LRRC43: variants seen among roughly 807,000 people sequenced by gnomAD.
LRRC43 encodes leucine rich repeat containing 43.
Under a neutral mutation model 64.3 loss-of-function variants are expected in LRRC43, and 62 were observed. The observed-to-expected ratio is 0.96, with a 90% confidence interval of 0.79 to 1.19. LRRC43 has a LOEUF of 1.19. Ranked by LOEUF, LRRC43 falls within the 50% of genes most tolerant of loss-of-function variation. The probability of loss-of-function intolerance (pLI) is 0.00; values close to 1 mark genes in which losing one functional copy is unlikely to be tolerated. For synonymous variants in LRRC43, 422 were observed against 382.3 expected (o/e 1.10, Z -1.21); for missense variants, 868 against 845.0 (o/e 1.03, Z -0.34).
chr12:122,174,287 C>T, intron 1 of LRRC43: 4 of 1,219,304 alleles, frequency 3.3e-6, no homozygotes, highest in East Asian at 2.4e-5. Flanking sequence ...GTCAGCGTCC[C>T]GCCCATGGCA....
chr12:122,181,217 C>CA (rs201007052), upstream of LRRC43, among the ~76,000 whole-genome samples: 586 of 132,408 alleles, frequency 4.4e-3, 1 homozygote, highest in East Asian at 0.019. Flanking sequence ...GACCCTGCCT[C>CA]AAAAAAAAAA....
In LRRC43 at chr12:122,184,262, T is replaced by G. The variant is rs553935895; in HGVS notation, c.151-257T>G. The stretch of plus-strand genomic sequence containing the variant: ...GTTGCGTGCCACCACGCCCGGCTAA[T>G]TTTTTGTATTTTTAGTCGAGACGGG... On this transcript the variant is annotated intron_variant, in intron 1 of 11. Coordinates refer to ENST00000339777, the MANE Select transcript of LRRC43 (RefSeq NM_001098519.2). The surrounding 1 kb of genome is among the most constrained non-coding windows in gnomAD (Gnocchi z 4.0). Among the ~76,000 whole-genome samples, 282 of 152,118 alleles carry G rather than the reference T, an allele frequency of 1.9e-3. 1 individual carries two copies. The highest frequency in any genetic ancestry group is 6.3e-3 in the African/African-American group (263 of 41,486).
chr12:122,170,459 G>A (rs993442267), intron 1 of LRRC43, among the ~76,000 whole-genome samples: 17 of 151,866 alleles, frequency 1.1e-4, no homozygotes, highest in Admixed American at 2.6e-4. Flanking sequence ...GTGAAACCCC[G>A]TCTCTACTAA....
intron 7 of LRRC43, among the ~76,000 whole-genome samples, chr12:122,198,177 C>G: frequency 6.6e-6 from 1 of 152,090 alleles, no homozygotes; most frequent in East Asian, 1.9e-4. Flanking sequence ...GACAGGGTTT[C>G]ACCGTGTTGG....
chr12:122,200,862 G>T lies in LRRC43; in HGVS notation c.1737G>T (p.Glu579Asp), dbSNP rs1198311360. 6.2e-7 allele frequency: 1 copy of T among 1,613,082 alleles called. No individual in the cohort carries two copies. The highest frequency in any genetic ancestry group is 1.7e-5 in the Admixed American group (1 of 59,970). Residue 579 changes from glutamate (E) to aspartate (D), a missense_variant, in exon 10 of 12, where the codon GAG (glutamate) becomes GAT (aspartate). Transcript: ENST00000339777. The surrounding 1 kb of genome is among the most constrained non-coding windows in gnomAD (Gnocchi z 4.6). ...TCCTGGAGCCCCTGCTCGCCGGGGAGCCCCTGGTGTCCACCGTGTGCAACT... is the reference window on the plus strand; with the variant it reads ...TCCTGGAGCCCCTGCTCGCCGGGGATCCCCTGGTGTCCACCGTGTGCAACT... ...LVILEPLLAG[E>D]PLVSTVCNFG...
In LRRC43 at chr12:122,190,954, C is replaced by T. The variant is rs116975374; in HGVS notation, c.902-426C>T. On this transcript the variant is annotated intron_variant, in intron 5 of 11. Coordinates refer to ENST00000339777, the MANE Select transcript of LRRC43 (RefSeq NM_001098519.2). ...ACTGCACTCTAGCCTGGCGACAGAG[C>T]GAGACCCCGTCTCTAAAAAAAATAA... Among the ~76,000 whole-genome samples the T allele has an allele frequency of 2.6e-4, 40 of 152,056 alleles. 1 individual carries two copies. In the East Asian group the frequency reaches 7.2e-3, roughly 27 times the overall value.
chr12:122,189,300 C>A (rs1220879974), intron 4 of LRRC43: 1 of 405,412 alleles, frequency 2.5e-6, no homozygotes, highest in East Asian at 7.1e-5. Flanking sequence ...GGAGGGCATG[C>A]CCTTGGGGGG....
chr12:122,193,191 T>C (rs913652698), intron 7 of LRRC43, among the ~76,000 whole-genome samples, 187 bp downstream of exon 7: 15 of 151,504 alleles, frequency 9.9e-5, no homozygotes, highest in Admixed American at 1.3e-4. Flanking sequence ...CCATCCTGGC[T>C]AACATGGTGA....
At chr12:122,191,349 G>GC in intron 5 of LRRC43, 31 bp from the exon 6 acceptor site, 1 of 1,565,260 alleles carries the variant, frequency 6.4e-7, no homozygotes, top group Non-Finnish European at 8.7e-7. Flanking sequence ...CATTCCATGG[G>GC]CCCCCCTGTC....
intron 1 of LRRC43, among the ~76,000 whole-genome samples, chr12:122,169,219 C>T (rs758543150): frequency 6.6e-6 from 1 of 152,100 alleles, no homozygotes; most frequent in Non-Finnish European, 1.5e-5. Flanking sequence ...GGAGGAATAT[C>T]GAAGATTTGT....
intron 11 of LRRC43, among the ~76,000 whole-genome samples, chr12:122,201,715 G>A (rs1420677124): frequency 6.6e-6 from 1 of 152,206 alleles, no homozygotes; most frequent in Non-Finnish European, 1.5e-5. Flanking sequence ...GTGCGTCTCA[G>A]GTTTGAGGTT....
chr12:122,192,817 G>T lies in LRRC43; in HGVS notation c.1162G>T (p.Glu388Ter), dbSNP rs563015932. 1 of 1,614,122 alleles carries T rather than the reference G, an allele frequency of 6.2e-7. No individual in the cohort carries two copies. Among genetic ancestry groups the T allele is most frequent in the Non-Finnish European group, 8.5e-7 (1 of 1,180,014 alleles). ...TGAAGAGGTCGTGGAAGACGTCATC[G>T]AAGACATTGTTGAAGAGGTTACTGA... The part of the protein sequence containing the change: ...SPEEVVEDVI[E>*]DIVEEVTEEV... The change falls in exon 7 of 12, where the codon GAA (glutamate) becomes TAA (stop). Residue 388 changes from glutamate to a stop codon, truncating the protein, a stop_gained. Coordinates refer to ENST00000339777, the MANE Select transcript of LRRC43 (RefSeq NM_001098519.2). LOFTEE classifies it high-confidence loss of function.
Position 122,190,110 on chromosome 12 carries a change from C to G in LRRC43, c.663-20C>G. 6.3e-7 allele frequency: 1 copy of G among 1,598,450 alleles called. No individual in the cohort carries two copies. Among genetic ancestry groups the G allele is most frequent in the East Asian group, 2.2e-5 (1 of 44,818 alleles). ...CTCACCTGGCTTCTTGACCCCCAGACGGTCCTGCTCACCTTCCAGGCCCAA... is the reference window on the plus strand; with the variant it reads ...CTCACCTGGCTTCTTGACCCCCAGAGGGTCCTGCTCACCTTCCAGGCCCAA... On this transcript the variant is annotated intron_variant, in intron 4 of 11. Transcript: ENST00000339777.
At chr12:122,181,936 G>A (rs1281894280), upstream of LRRC43, among the ~76,000 whole-genome samples, 4 of 151,860 alleles carry the variant, frequency 2.6e-5, no homozygotes, top group African/African-American at 4.8e-5. Context: ...AAGTTGTCCC[G>A]ATATCGTATA....
At position 122,184,804 on chromosome 12, in the gene LRRC43, G is replaced by C. The variant is rs772802777; in HGVS notation, c.411+25G>C. ...GGTCAGTGCTGGGCACGTGGTAGGTGATGTTAGGGTGGCCGCTCCCCTAAG... is the reference window on the plus strand; with the variant it reads ...GGTCAGTGCTGGGCACGTGGTAGGTCATGTTAGGGTGGCCGCTCCCCTAAG... On this transcript the variant is annotated intron_variant, in intron 2 of 11. Coordinates refer to ENST00000339777, the MANE Select transcript of LRRC43 (RefSeq NM_001098519.2). This position sits in a 1 kb window ranked among gnomAD's most constrained non-coding sequence, Gnocchi z 4.0. 8.9e-6 allele frequency: 14 copies of C among 1,576,830 alleles called. No homozygotes were observed. The African/African-American group carries it at 1.3e-4, about 15-fold the overall frequency.
chr12:122,194,921 A>C (rs1028846726), intron 7 of LRRC43, among the ~76,000 whole-genome samples: 1 of 152,196 alleles, frequency 6.6e-6, no homozygotes, highest in Non-Finnish European at 1.5e-5. Context: ...TTCTAATTAG[A>C]ACCAAGGACA....
chr12:122,203,271 C>G (rs1280791070), intron 11 of LRRC43, 44 bp from the exon 12 acceptor site: 1 of 1,597,176 alleles, frequency 6.3e-7, no homozygotes, highest in South Asian at 1.1e-5. Context: ...GAACGCCAGC[C>G]CATCCGTCTC....
chr12:122,190,817 G>A (rs1488631167), intron 5 of LRRC43, among the ~76,000 whole-genome samples: 1 of 150,074 alleles, frequency 6.7e-6, no homozygotes, highest in Non-Finnish European at 1.5e-5. Context: ...GAGCCGAGAT[G>A]ACACCAGTGT....
Position 122,184,907 on chromosome 12 carries a change from C to A in LRRC43, c.411+128C>A. 9.8e-7 allele frequency: 1 copy of A among 1,015,266 alleles called. No individual in the cohort carries two copies. The highest frequency in any genetic ancestry group is 1.4e-6 in the Non-Finnish European group (1 of 696,808). 62.9% of individuals were successfully genotyped at this position (1,015,266 alleles called of 1,614,324 possible). On this transcript the variant is annotated intron_variant, in intron 2 of 11. Transcript: ENST00000339777. This position sits in a 1 kb window ranked among gnomAD's most constrained non-coding sequence, Gnocchi z 4.0. Reference sequence around the variant, plus strand: ...CAGGGCTGAAACGAAGGCCAGCCTGCCCTCCATCTGCTTCATCTCCCTGGC... The same window carrying A: ...CAGGGCTGAAACGAAGGCCAGCCTGACCTCCATCTGCTTCATCTCCCTGGC...
Sources: allele counts gnomAD v4.1 joint callset (sites outside exome capture counted in the v4.1 genomes callset), GRCh38; gene constraint gnomAD v4.1.1; non-coding constraint Gnocchi (gnomAD v3.1); transcripts MANE v1.5; gene names NCBI Gene and HGNC (gene_info 2026-07-23, HGNC 2026-07-21).